Variants in HMCN1 observed in about 807,000 individuals in gnomAD.
HMCN1 encodes hemicentin 1, also known as hemicentin-1.
A neutral mutation model predicts 625.9 loss-of-function variants in HMCN1; 321 were observed. That is an observed-to-expected ratio of 0.51 (90% confidence interval 0.47 to 0.56). HMCN1 has a LOEUF of 0.56. Ranked by LOEUF, HMCN1 falls within the 20% of genes least tolerant of loss-of-function variation. The pLI, the probability that HMCN1 is intolerant of heterozygous loss-of-function variation, is 0.00. For missense variants in HMCN1, 6,588 were observed against 6,887.3 expected (o/e 0.96, Z 1.54); for synonymous variants, 2,425 against 2,417.6 (o/e 1.00, Z -0.09).
chr1:185,919,838 C>T (rs1666912977), intron 6 of HMCN1, among the ~76,000 whole-genome samples: 1 of 152,094 alleles, frequency 6.6e-6, no homozygotes, highest in African/African-American at 2.4e-5. Context: ...CTCACAGGGA[C>T]TTTTGTGAGG....
intron 52 of HMCN1, among the ~76,000 whole-genome samples, chr1:186,073,901 T>A (rs1658626519): frequency 6.6e-6 from 1 of 152,018 alleles, no homozygotes; most frequent in Non-Finnish European, 1.5e-5. Flanking sequence ...TTGGTAATTA[T>A]AAGGTCTAGG....
chr1:185,862,070 G>A (rs1178973092), intron 2 of HMCN1, among the ~76,000 whole-genome samples: 3 of 151,724 alleles, frequency 2.0e-5, no homozygotes, highest in Non-Finnish European at 4.4e-5. Context: ...TGAAGCAAGG[G>A]GAATATTAAA....
chr1:185,990,228 TTGTTTTCAATATAC>T, intron 21 of HMCN1, 33 bp from the exon 22 acceptor site: 2 of 1,537,146 alleles, frequency 1.3e-6, no homozygotes, highest in Non-Finnish European at 1.8e-6. Flanking sequence ...AAACTGTGCT[TTGTTTTCAATATAC>T]TGTTTCCCTT....
chr1:185,784,790 T>C (rs187835105), intron 1 of HMCN1, among the ~76,000 whole-genome samples: 1 of 152,358 alleles, frequency 6.6e-6, no homozygotes. Flanking sequence ...TATTGTAACA[T>C]GTACAGATCT....
At chr1:186,051,150 G>A (rs1195039569) in intron 42 of HMCN1, among the ~76,000 whole-genome samples, 1 of 151,936 alleles carries the variant, frequency 6.6e-6, no homozygotes, top group Non-Finnish European at 1.5e-5. Flanking sequence ...ATTGAAGAAG[G>A]CCTCTTAAAT....
chr1:186,104,762 G>A (rs778552570), intron 69 of HMCN1, among the ~76,000 whole-genome samples: 12 of 152,134 alleles, frequency 7.9e-5, no homozygotes, highest in Non-Finnish European at 1.2e-4. Flanking sequence ...TGCATTTCTA[G>A]CATCTTCGAG....
At chr1:185,970,193 G>GA in intron 14 of HMCN1, 142 bp from the exon 15 acceptor site, 1 of 779,506 alleles carries the variant, frequency 1.3e-6, no homozygotes, top group Admixed American at 1.8e-5. Flanking sequence ...TTAGACTGTA[G>GA]AAAGTGTCTA....
chr1:185,888,115 AGTGT>A (rs1220591439), intron 4 of HMCN1, among the ~76,000 whole-genome samples: 1 of 129,512 alleles, frequency 7.7e-6, no homozygotes, highest in East Asian at 2.1e-4. Context: ...TCTTTTGAGA[AGTGT>A]CTGTTCATGT....
At chr1:186,007,004 C>T in intron 29 of HMCN1, 124 bp from the exon 30 acceptor site, 1 of 764,486 alleles carries the variant, frequency 1.3e-6, no homozygotes, top group Non-Finnish European at 2.2e-6. Context: ...CTAATCATAT[C>T]ATTTTATTTT....
chr1:185,789,863 A>G (rs1446038621), intron 1 of HMCN1, among the ~76,000 whole-genome samples: 3 of 152,218 alleles, frequency 2.0e-5, no homozygotes, highest in Non-Finnish European at 1.5e-5. Context: ...TGGTGCAGTC[A>G]TTAACTCTAT....
At chr1:185,823,717 C>T (rs1453354817) in intron 1 of HMCN1, among the ~76,000 whole-genome samples, 1 of 152,050 alleles carries the variant, frequency 6.6e-6, no homozygotes, top group Non-Finnish European at 1.5e-5. Context: ...AATAAACCAC[C>T]CAAAGGACCT....
chr1:186,165,257 C>T (rs1651809096), intron 98 of HMCN1, 84 bp downstream of exon 98: 1 of 1,122,430 alleles, frequency 8.9e-7, no homozygotes, highest in African/African-American at 1.5e-5. Context: ...ATTGCCCTTT[C>T]ACTAGGTATT....
chr1:185,848,103 A>G (rs541779117), intron 2 of HMCN1, among the ~76,000 whole-genome samples: 1 of 152,342 alleles, frequency 6.6e-6, no homozygotes, highest in Admixed American at 6.5e-5. Context: ...AAGTTCTCTT[A>G]CAAATAATTT....
In HMCN1 at chr1:185,889,730, T is replaced by C. The variant is rs1047353139; in HGVS notation, c.622-19607T>C. On this transcript the variant is annotated intron_variant, in intron 4 of 106. Coordinates refer to ENST00000271588, the MANE Select transcript of HMCN1 (RefSeq NM_031935.3). ...GGTTTGCCAGTATTTTATTGAGGATTTTTGCATCAACGTTCATCAAGGATA... is the reference window on the plus strand; with the variant it reads ...GGTTTGCCAGTATTTTATTGAGGATCTTTGCATCAACGTTCATCAAGGATA... Among the ~76,000 whole-genome samples, 109 of 141,432 alleles carry C rather than the reference T, an allele frequency of 7.7e-4. 10 individuals carry two copies. The highest frequency in any genetic ancestry group is 3.2e-3 in the African/African-American group (104 of 32,598). 92.8% of individuals were successfully genotyped at this position (141,432 alleles called of 152,430 possible). A position where few individuals can be genotyped will look rare whatever the true frequency, so the allele number is the denominator to read the frequency against.
chr1:186,110,464 G>C (rs1354448038), intron 71 of HMCN1, among the ~76,000 whole-genome samples: 1 of 151,964 alleles, frequency 6.6e-6, no homozygotes, highest in African/African-American at 2.4e-5. Flanking sequence ...GGCCACAGAA[G>C]GTACAAATAA....
chr1:185,991,312 A>G (rs1003531516), intron 22 of HMCN1, among the ~76,000 whole-genome samples: 1 of 152,142 alleles, frequency 6.6e-6, no homozygotes. Flanking sequence ...TAATTTTACT[A>G]TTTGTTTGAA....
chr1:185,783,625 G>C (rs1002551843), intron 1 of HMCN1, among the ~76,000 whole-genome samples: 1 of 152,190 alleles, frequency 6.6e-6, no homozygotes, highest in African/African-American at 2.4e-5. Flanking sequence ...GACCCTGTTT[G>C]CCTGGGTATC....
At position 186,166,871 on chromosome 1, in the gene HMCN1, T is replaced by C. The variant is rs1651912625; in HGVS notation, c.15503T>C (p.Ile5168Thr). The C allele has an allele frequency of 1.2e-6, 2 of 1,614,070 alleles. No homozygotes were observed. The highest frequency in any genetic ancestry group is 1.7e-5 in the Admixed American group (1 of 60,004). ...CHAGQDCDNT[I>T]GSYRCVVRCG... is the part of the protein sequence containing the mutation. The stretch of plus-strand genomic sequence containing the variant: ...GCTGGTCAGGACTGTGACAATACGA[T>C]TGGATCTTATCGCTGTGTGGTCCGT... The change falls in exon 100 of 107, where the codon ATT becomes ACT. Residue 5168 changes from isoleucine (I) to threonine (T), a missense_variant. Ile to Thr is a moderately conservative substitution (Grantham distance 89, BLOSUM62 -1). Transcript: ENST00000271588.
chr1:186,103,699 G>C (rs763589075), intron 69 of HMCN1, 31 bp downstream of exon 69: 6 of 1,591,612 alleles, frequency 3.8e-6, no homozygotes, highest in Middle Eastern at 3.3e-4. Flanking sequence ...AATTATTTTA[G>C]GTTAGGTCAA....
Sources: gnomAD v4.1 joint callset for allele counts (sites outside exome capture counted in the v4.1 genomes callset) on GRCh38, gnomAD v4.1.1 for gene constraint, MANE v1.5 for transcripts, NCBI Gene and HGNC (gene_info 2026-07-23, HGNC 2026-07-21) for gene names.